The following FRY variants were observed in gnomAD, a reference collection of about 807,000 sequenced individuals.
The protein encoded by FRY is protein furry homolog.
In FRY, 128 loss-of-function variants were observed where a neutral mutation model predicts 348.4. The ratio of observed to expected loss-of-function variants is 0.37; its 90% confidence interval spans 0.32 to 0.43. The LOEUF (loss-of-function observed/expected upper bound fraction) is 0.43. FRY is among the 20% of genes least tolerant of loss of function. FRY has a pLI of 1.00. For synonymous variants in FRY, 1,370 were observed against 1,374.7 expected (o/e 1.00, Z 0.08); for missense variants, 2,736 against 3,695.2 (o/e 0.74, Z 6.73).
chr13:32,223,840 T>TCCC (rs1885442390), intron 36 of FRY, among the ~76,000 whole-genome samples: 1 of 152,214 alleles, frequency 6.6e-6, no homozygotes, highest in African/African-American at 2.4e-5. Context: ...GCGATTCTCC[T>TCCC]GCCTCATCCT....
chr13:32,061,234 C>A (rs1873928809), intron 1 of FRY: 1 of 510,892 alleles, frequency 2.0e-6, no homozygotes, highest in Admixed American at 2.1e-5. Context: ...TGGGAGGACT[C>A]TTCTAAAGGT....
chr13:32,172,450 C>G (rs1882148072), intron 18 of FRY, among the ~76,000 whole-genome samples: 1 of 152,148 alleles, frequency 6.6e-6, no homozygotes, highest in South Asian at 2.1e-4. Flanking sequence ...TGTTCAATAT[C>G]CACGGAGAGG....
chr13:32,087,788 G>A (rs1183043535), intron 2 of FRY, among the ~76,000 whole-genome samples: 2 of 152,042 alleles, frequency 1.3e-5, no homozygotes, highest in Non-Finnish European at 1.5e-5. Context: ...CCTTTCATCC[G>A]GAACCCTTTT....
chr13:32,247,300 C>T (rs974187530), intron 47 of FRY, 23 bp from the exon 48 acceptor site: 28 of 1,591,366 alleles, frequency 1.8e-5, no homozygotes, highest in Admixed American at 3.3e-5. Context: ...ATTTTTAACC[C>T]TTGAATGTTT....
At chr13:32,135,670 G>C (rs1378485606) in intron 10 of FRY, among the ~76,000 whole-genome samples, 1 of 152,170 alleles carries the variant, frequency 6.6e-6, no homozygotes, top group African/African-American at 2.4e-5. Context: ...GAAGGTTTCG[G>C]TACTGAAGAG....
Position 32,278,534 on chromosome 13 carries a change from G to A in FRY, c.8455G>A (p.Asp2819Asn), listed in dbSNP as rs1304191998. ...TGGAGTAATTACCTGTCAACCAGGG[G>A]ACTCCGAAGAAAAGGTAATAAAAGC... ...RDGVITCQPG[D>N]SEEKQLELCQ... Residue 2819 changes from aspartate (D) to asparagine (N), a missense_variant, in exon 58 of 61, where the codon GAC (aspartate) becomes AAC (asparagine). By Grantham distance (23) the Asp-to-Asn change is conservative (BLOSUM62 1). Transcript: ENST00000542859. 1.9e-6 allele frequency: 3 copies of A among 1,562,564 alleles called. No homozygotes were observed. The highest frequency in any genetic ancestry group is 2.6e-6 in the Non-Finnish European group (3 of 1,133,388).
intron 46 of FRY, 60 bp from the exon 47 acceptor site, chr13:32,243,982 G>C (rs190139451): frequency 1.3e-6 from 2 of 1,580,126 alleles, no homozygotes; most frequent in South Asian, 2.2e-5. Flanking sequence ...TGGAAAACAC[G>C]GGTCCTTCCA....
Position 32,267,276 on chromosome 13 carries a change from C to T in FRY, c.8053C>T (p.Arg2685Cys), listed in dbSNP as rs774397737. 6 of 1,614,004 alleles carry T rather than the reference C, an allele frequency of 3.7e-6. No homozygotes were observed. Among genetic ancestry groups the T allele is most frequent in the Admixed American group, 3.3e-5 (2 of 60,008 alleles). The change falls in exon 55 of 61, where the codon CGC becomes TGC. Residue 2685 changes from arginine to cysteine, a missense_variant. Around this residue, in one of 9 missense-constraint regions of FRY, gnomAD observed 789 missense variants for 996.2 expected, o/e 0.79. Coordinates refer to ENST00000542859, the MANE Select transcript of FRY (RefSeq NM_023037.3). ...AACDDAEEAW[R>C]SHINQLMCDS... is the part of the protein sequence containing the mutation. ...CTGTGACGATGCCGAGGAGGCCTGGCGCAGCCACATCAACCAGCTTATGTG... is the reference window on the plus strand; with the variant it reads ...CTGTGACGATGCCGAGGAGGCCTGGTGCAGCCACATCAACCAGCTTATGTG...
intron 2 of FRY, among the ~76,000 whole-genome samples, chr13:32,094,218 A>G (rs567295520): frequency 4.6e-5 from 7 of 151,708 alleles, no homozygotes; most frequent in African/African-American, 1.7e-4. Context: ...TTTATTTTTT[A>G]TTTTTATTTT....
intron 10 of FRY, 30 bp from the exon 11 acceptor site, chr13:32,136,841 A>G (rs1269683865): frequency 8.8e-7 from 1 of 1,130,010 alleles, no homozygotes; most frequent in Admixed American, 1.7e-5. Flanking sequence ...AATATAAATG[A>G]TCCTGTGACC....
At chr13:32,275,112 C>T (rs1279390044) in intron 56 of FRY, 121 bp downstream of exon 56, 8 of 868,954 alleles carry the variant, frequency 9.2e-6, no homozygotes, top group African/African-American at 3.3e-5. Context: ...GGTGCGGTGG[C>T]TCAAGCCTGT....
chr13:32,133,229 G>A (rs1879481790), intron 8 of FRY, among the ~76,000 whole-genome samples: 2 of 152,074 alleles, frequency 1.3e-5, no homozygotes, highest in Admixed American at 1.3e-4. Flanking sequence ...TTATATATTG[G>A]GGGGACTATG....
chr13:32,053,197 A>T (rs1873438415), intron 1 of FRY, among the ~76,000 whole-genome samples: 1 of 152,238 alleles, frequency 6.6e-6, no homozygotes, highest in Non-Finnish European at 1.5e-5. Flanking sequence ...CTACTGTATT[A>T]GAACACAAAG....
rs773101478 is a variant in FRY at position 32,265,555 on chromosome 13, C to A, written c.7885C>A (p.Leu2629Met). 6.2e-7 allele frequency: 1 copy of A among 1,614,194 alleles called. No homozygotes were observed. Among genetic ancestry groups the A allele is most frequent in the South Asian group, 1.1e-5 (1 of 91,084 alleles). ...AAFECSDSFS[L>M]DMTEGEEKGN... ...TTTTGAATGCAGCGACAGCTTTAGC[C>A]TGGACATGACTGAGGGGGAAGAAAA... Residue 2629 changes from leucine to methionine, a missense_variant, in exon 54 of 61, where the codon CTG (leucine) becomes ATG (methionine). Leu to Met is a conservative substitution (Grantham distance 15). Coordinates refer to ENST00000542859, the MANE Select transcript of FRY (RefSeq NM_023037.3).
intron 1 of FRY, among the ~76,000 whole-genome samples, chr13:32,033,497 T>C (rs1236529465): frequency 1.3e-5 from 2 of 152,236 alleles, no homozygotes; most frequent in Non-Finnish European, 2.9e-5. Context: ...TCCCCTTGTC[T>C]ATTTTCAAAT....
rs746519837 is a variant in FRY at position 32,202,543 on chromosome 13, CAATAATGACATATGTGATCATTTCT to C, written c.4018+26_4018+50del. 6 of 1,581,512 alleles carry C rather than the reference CAATAATGACATATGTGATCATTTCT, an allele frequency of 3.8e-6. No individual in the cohort carries two copies. The highest frequency in any genetic ancestry group is 1.7e-5 in the Admixed American group (1 of 59,950). ...CTCTTCTCAGGTACCAGGCAATAGT[CAATAATGACATATGTGATCATTTCT>C]AATAATGACGTATGTGATCATTTCT... is the stretch of plus-strand genomic sequence containing the variant. On this transcript the variant is annotated intron_variant, in intron 31 of 60. Coordinates refer to ENST00000542859, the MANE Select transcript of FRY (RefSeq NM_023037.3).
At chr13:32,070,317 AT>A (rs1404388272) in intron 1 of FRY, among the ~76,000 whole-genome samples, 6 of 152,130 alleles carry the variant, frequency 3.9e-5, no homozygotes, top group Admixed American at 3.9e-4. Context: ...GGTTGAACTA[AT>A]TTACACTCCC....
chr13:32,209,057 C>T lies in FRY; in HGVS notation c.4223C>T (p.Ser1408Phe). 1 of 1,614,102 alleles carries T rather than the reference C, an allele frequency of 6.2e-7. No homozygotes were observed. The highest frequency in any genetic ancestry group is 8.5e-7 in the Non-Finnish European group (1 of 1,180,016). The change falls in exon 32 of 61, where the codon TCT becomes TTT. Residue 1408 changes from serine (S) to phenylalanine (F), a missense_variant. Physicochemically the swap from Ser to Phe is radical, Grantham distance 155 (BLOSUM62 -2). Coordinates refer to ENST00000542859, the MANE Select transcript of FRY (RefSeq NM_023037.3). Reference sequence around the variant, plus strand: ...GGGCTGAGAGGAAATGGCTGGGGCTCTCCAGAAGCCACGTCACTGGTCCTG... The same window carrying T: ...GGGCTGAGAGGAAATGGCTGGGGCTTTCCAGAAGCCACGTCACTGGTCCTG... Reference protein sequence around the residue: ...SHGLRGNGWGSPEATSLVLNN... With the variant: ...SHGLRGNGWGFPEATSLVLNN...
At chr13:32,288,623 C>T (rs781735841) in intron 58 of FRY, among the ~76,000 whole-genome samples, 7 of 152,218 alleles carry the variant, frequency 4.6e-5, no homozygotes, top group Non-Finnish European at 1.0e-4. Flanking sequence ...TAGAAGCTCT[C>T]GATTCTGAGC....
Sources: gnomAD v4.1 joint callset for allele counts (sites outside exome capture counted in the v4.1 genomes callset) on GRCh38, gnomAD v4.1.1 for gene constraint, gnomAD v4.1.1 regional missense constraint, MANE v1.5 for transcripts, NCBI Gene and HGNC (gene_info 2026-07-23, HGNC 2026-07-21) for gene names.